The following MAF variants were observed in gnomAD, a reference collection of about 807,000 sequenced individuals.
MAF encodes the protein transcription factor Maf.
A neutral mutation model predicts 22.0 loss-of-function variants in MAF; 10 were observed. The observed-to-expected ratio is 0.45, with a 90% CI of 0.28 to 0.77. The LOEUF is 0.77. Ranked by LOEUF, MAF falls within the 30% of genes least tolerant of loss-of-function variation. MAF has a pLI of 0.12. For synonymous variants in MAF, 337 were observed against 255.8 expected, an observed-to-expected ratio of 1.32 and a Z score of -3.03; for missense variants, 544 against 548.4, an observed-to-expected ratio of 0.99 and a Z score of 0.08.
At chr16:79,216,136 T>A in the MAF span, among the ~76,000 whole-genome samples, 26 of 136,228 alleles carry the variant, frequency 1.9e-4, no homozygotes, top group Non-Finnish European at 3.1e-4. Flanking sequence ...TCTGTATATG[T>A]ATATGTCATG....
the MAF span, among the ~76,000 whole-genome samples, chr16:79,207,267 T>C: frequency 6.6e-6 from 1 of 152,222 alleles, no homozygotes; most frequent in Non-Finnish European, 1.5e-5. Context: ...TTGAGAAGTA[T>C]TTGCTTTGTC....
At chr16:79,397,548 A>AT in the MAF span, among the ~76,000 whole-genome samples, 2 of 152,174 alleles carry the variant, frequency 1.3e-5, no homozygotes, top group Non-Finnish European at 2.9e-5. Flanking sequence ...TTGTTAAAAC[A>AT]TTTTTTTAAC....
the MAF span, among the ~76,000 whole-genome samples, chr16:79,381,871 C>T: frequency 6.6e-6 from 1 of 152,178 alleles, no homozygotes; most frequent in South Asian, 2.1e-4. Flanking sequence ...TGAACTCAAC[C>T]TGCGCCTTGA....
chr16:79,335,576 T>C, the MAF span, among the ~76,000 whole-genome samples: 1 of 151,800 alleles, frequency 6.6e-6, no homozygotes, highest in East Asian at 1.9e-4. Context: ...AGGTCGGGGG[T>C]CAGCCACAGA....
chr16:79,575,276 T>A, the MAF span, among the ~76,000 whole-genome samples: 1 of 152,156 alleles, frequency 6.6e-6, no homozygotes, highest in Non-Finnish European at 1.5e-5. Flanking sequence ...ATGACCCCAT[T>A]ATCAGAAAAG....
At chr16:79,571,007 G>T in the MAF span, among the ~76,000 whole-genome samples, 1 of 151,912 alleles carries the variant, frequency 6.6e-6, no homozygotes, top group Admixed American at 6.6e-5. Context: ...GAAACCAAGC[G>T]TCTATAGAGG....
chr16:79,523,216 A>G, the MAF span, among the ~76,000 whole-genome samples: 6 of 152,342 alleles, frequency 3.9e-5, no homozygotes, highest in South Asian at 1.2e-3. Context: ...TGTTTGACTC[A>G]TCTTCTAGCC....
chr16:79,294,827 A>G, the MAF span, among the ~76,000 whole-genome samples: 162 of 152,302 alleles, frequency 1.1e-3, no homozygotes, highest in African/African-American at 3.8e-3. Context: ...TCAAACCACA[A>G]CCAAACTACA....
chr16:79,398,086 T>C, the MAF span, among the ~76,000 whole-genome samples: 1 of 152,298 alleles, frequency 6.6e-6, no homozygotes, highest in South Asian at 2.1e-4. Context: ...TGGTGGGGAA[T>C]GTGCTTCCCT....
At chr16:79,572,668 G>T in the MAF span, among the ~76,000 whole-genome samples, 2 of 152,146 alleles carry the variant, frequency 1.3e-5, no homozygotes, top group African/African-American at 4.8e-5. Flanking sequence ...TTCCTCTCTT[G>T]AGTTTCAGCC....
chr16:79,492,085 C>G, the MAF span, among the ~76,000 whole-genome samples: 1 of 152,122 alleles, frequency 6.6e-6, no homozygotes, highest in Admixed American at 6.5e-5. Flanking sequence ...ATAAAAAGAG[C>G]CTATCTAATA....
At chr16:79,411,564 G>A in the MAF span, among the ~76,000 whole-genome samples, 1 of 152,176 alleles carries the variant, frequency 6.6e-6, no homozygotes, top group African/African-American at 2.4e-5. Flanking sequence ...TAAGTCTGGT[G>A]ACTTTTGCCC....
At chr16:79,517,295 CAT>C in the MAF span, among the ~76,000 whole-genome samples, 3 of 152,180 alleles carry the variant, frequency 2.0e-5, no homozygotes, top group East Asian at 5.8e-4. Flanking sequence ...ATGTGGGAAA[CAT>C]GTGGAGACAA....
At chr16:79,463,813 C>T in the MAF span, among the ~76,000 whole-genome samples, 48 of 151,590 alleles carry the variant, frequency 3.2e-4, no homozygotes, top group Non-Finnish European at 5.3e-4. Context: ...TAGTAGATCC[C>T]CCTGTGAACT....
At chr16:79,250,225 A>G in the MAF span, among the ~76,000 whole-genome samples, 1 of 152,200 alleles carries the variant, frequency 6.6e-6, no homozygotes, top group African/African-American at 2.4e-5. Flanking sequence ...TGTGCATGGC[A>G]CTTTGAACAA....
At chr16:79,274,411 G>C in the MAF span, among the ~76,000 whole-genome samples, 2 of 152,100 alleles carry the variant, frequency 1.3e-5, no homozygotes, top group Admixed American at 1.3e-4. Context: ...TCCAGGAGAG[G>C]CCCAGCCATT....
chr16:79,310,966 T>C, the MAF span, among the ~76,000 whole-genome samples: 1 of 152,094 alleles, frequency 6.6e-6, no homozygotes, highest in Non-Finnish European at 1.5e-5. Context: ...TTGGCTCCAC[T>C]GCTCCCAGGA....
At chr16:79,590,192 C>T (rs989692740), downstream of MAF, among the ~76,000 whole-genome samples, 3 of 151,250 alleles carry the variant, frequency 2.0e-5, no homozygotes, top group Non-Finnish European at 4.4e-5. Context: ...GTTCCTGTCC[C>T]GGGCCAGGTT....
At chr16:79,333,022 G>A in the MAF span, among the ~76,000 whole-genome samples, 3 of 152,248 alleles carry the variant, frequency 2.0e-5, no homozygotes, top group Non-Finnish European at 4.4e-5. Context: ...CACAGCAGGT[G>A]CTCCCCCAGT....
Sources: allele counts gnomAD v4.1 joint callset (sites outside exome capture counted in the v4.1 genomes callset), GRCh38; gene constraint gnomAD v4.1.1; transcripts MANE v1.5; gene names NCBI Gene and HGNC (gene_info 2026-07-23, HGNC 2026-07-21).